The following HLCS variants were observed in gnomAD, a reference collection of about 807,000 sequenced individuals.
HLCS encodes the protein biotin--protein ligase.
Under a neutral mutation model 75.0 loss-of-function variants are expected in HLCS, and 53 were observed. The observed-to-expected ratio is 0.71, with a 90% confidence interval of 0.57 to 0.89. HLCS has a LOEUF of 0.89. Among genes scored for constraint, HLCS ranks in the 40% least tolerant of loss-of-function variants. The probability of loss-of-function intolerance (pLI) is 0.00; values close to 1 mark genes in which losing one functional copy is unlikely to be tolerated. For missense variants in HLCS, 966 were observed against 1,074.0 expected, an observed-to-expected ratio of 0.90 and a Z score of 1.41; for synonymous variants, 431 against 428.6, an observed-to-expected ratio of 1.01 and a Z score of -0.07.
intron 6 of HLCS, among the ~76,000 whole-genome samples, chr21:36,885,751 T>A (rs1221276670): frequency 6.6e-6 from 1 of 152,184 alleles, no homozygotes; most frequent in Non-Finnish European, 1.5e-5. Flanking sequence ...GGGCCCCACA[T>A]CTTCTCTATT....
At chr21:36,772,400 G>C (rs111534785) in intron 6 of HLCS, among the ~76,000 whole-genome samples, 295 of 152,230 alleles carry the variant, frequency 1.9e-3, no homozygotes, top group African/African-American at 6.9e-3. Context: ...ACTTTGGGAG[G>C]CTGAGGTGGG....
upstream of HLCS, among the ~76,000 whole-genome samples, chr21:36,969,338 G>A (rs557368751): frequency 6.6e-6 from 1 of 152,318 alleles, no homozygotes; most frequent in Non-Finnish European, 1.5e-5. Context: ...ACTGCTCAAA[G>A]TGTGGTCCTT....
chr21:36,836,122 C>T (rs532074230), intron 6 of HLCS, among the ~76,000 whole-genome samples: 9 of 150,626 alleles, frequency 6.0e-5, no homozygotes, highest in African/African-American at 2.2e-4. Context: ...AAAAGTCCCC[C>T]GAGAAAATCT....
intron 2 of HLCS, among the ~76,000 whole-genome samples, chr21:36,961,081 G>C (rs1336361148): frequency 6.6e-6 from 1 of 152,238 alleles, no homozygotes; most frequent in Non-Finnish European, 1.5e-5. Flanking sequence ...AAGCGAGGAG[G>C]AGGTGCGAGG....
chr21:36,790,193 C>T (rs1313825198), intron 6 of HLCS, among the ~76,000 whole-genome samples: 3 of 152,172 alleles, frequency 2.0e-5, no homozygotes, highest in African/African-American at 7.2e-5. Flanking sequence ...ATCACGAGGT[C>T]AGGAGATCAA....
chr21:36,823,645 G>GTGTGTGTA (rs1347977458), intron 6 of HLCS, among the ~76,000 whole-genome samples: 31 of 151,302 alleles, frequency 2.0e-4, no homozygotes, highest in African/African-American at 7.3e-4. Flanking sequence ...GTGTGTGTGT[G>GTGTGTGTA]TGTACACATG....
At chr21:36,844,399 A>G (rs1482477450) in intron 6 of HLCS, among the ~76,000 whole-genome samples, 2 of 152,176 alleles carry the variant, frequency 1.3e-5, no homozygotes, top group East Asian at 3.8e-4. Flanking sequence ...TGGGAACTCT[A>G]TACTCTGTTC....
intron 6 of HLCS, among the ~76,000 whole-genome samples, chr21:36,864,331 T>A (rs2063482745): frequency 6.6e-6 from 1 of 151,178 alleles, no homozygotes; most frequent in South Asian, 2.1e-4. Context: ...ACCTGGGAGA[T>A]GGAGGCTGCA....
intron 6 of HLCS, among the ~76,000 whole-genome samples, chr21:36,846,266 G>A (rs747336041): frequency 2.6e-5 from 4 of 152,062 alleles, no homozygotes; most frequent in Non-Finnish European, 5.9e-5. Flanking sequence ...GATACCTAGC[G>A]GCAGTCAATA....
chr21:36,848,534 C>G (rs2062876739), intron 6 of HLCS, among the ~76,000 whole-genome samples: 2 of 152,168 alleles, frequency 1.3e-5, no homozygotes, highest in Non-Finnish European at 2.9e-5. Flanking sequence ...CTCCAAAGTG[C>G]TGGGATTACA....
chr21:36,839,251 C>A (rs2062532248), intron 6 of HLCS, among the ~76,000 whole-genome samples: 3 of 152,176 alleles, frequency 2.0e-5, no homozygotes, highest in South Asian at 4.1e-4. Context: ...AAAAATGACA[C>A]ACTTCTCCGT....
chr21:36,765,401 A>T (rs564779028), intron 7 of HLCS, among the ~76,000 whole-genome samples: 1 of 152,258 alleles, frequency 6.6e-6, no homozygotes, highest in Non-Finnish European at 1.5e-5. Flanking sequence ...TTCTGTGAGC[A>T]TATCATTTGT....
At chr21:36,777,971 A>G (rs987811585) in intron 6 of HLCS, among the ~76,000 whole-genome samples, 1 of 151,924 alleles carries the variant, frequency 6.6e-6, no homozygotes, top group African/African-American at 2.4e-5. Context: ...ATTTTTATTT[A>G]TTTTTTATTT....
intron 6 of HLCS, among the ~76,000 whole-genome samples, chr21:36,856,887 A>C (rs778171247): frequency 6.6e-6 from 1 of 152,188 alleles, no homozygotes; most frequent in Admixed American, 6.5e-5. Flanking sequence ...ACACACACAC[A>C]CAGACATACA....
chr21:36,838,977 A>G (rs1428327905), intron 6 of HLCS, among the ~76,000 whole-genome samples: 2 of 152,204 alleles, frequency 1.3e-5, no homozygotes, highest in African/African-American at 4.8e-5. Context: ...AGTTTGCAGG[A>G]ATTTGTTACA....
At chr21:36,808,202 A>C (rs2061414992) in intron 6 of HLCS, among the ~76,000 whole-genome samples, 1 of 152,210 alleles carries the variant, frequency 6.6e-6, no homozygotes, top group Admixed American at 6.5e-5. Flanking sequence ...ACACTAGCTG[A>C]GCATCTTGCT....
chr21:36,950,363 C>T (rs2067612863), intron 2 of HLCS, among the ~76,000 whole-genome samples: 3 of 152,158 alleles, frequency 2.0e-5, no homozygotes, highest in Middle Eastern at 3.4e-3. Context: ...TTGTAAGACA[C>T]GCTCAAGACA....
intron 5 of HLCS, among the ~76,000 whole-genome samples, chr21:36,910,682 A>C (rs1422008910): frequency 6.6e-6 from 1 of 152,122 alleles, no homozygotes; most frequent in African/African-American, 2.4e-5. Flanking sequence ...GCAAGGCTCC[A>C]TGCAGGTTTG....
intron 3 of HLCS, 83 bp from the exon 4 acceptor site, chr21:36,937,475 C>A (rs2066949135): frequency 1.7e-6 from 2 of 1,203,598 alleles, no homozygotes; most frequent in African/African-American, 1.5e-5. Flanking sequence ...AATCTCATCA[C>A]CCTCTCTGCA....
Sources: allele counts gnomAD v4.1 joint callset (sites outside exome capture counted in the v4.1 genomes callset), GRCh38; gene constraint gnomAD v4.1.1; transcripts MANE v1.5; gene names NCBI Gene and HGNC (gene_info 2026-07-23, HGNC 2026-07-21).